DNAH17: variants seen among roughly 807,000 people sequenced by gnomAD.
DNAH17 encodes axonemal beta dynein heavy chain 17.
DNAH17 carries 376 observed loss-of-function variants against 485.6 expected under a neutral mutation model. The observed-to-expected ratio is 0.77, with a 90% CI of 0.71 to 0.84. DNAH17 has a LOEUF of 0.84. DNAH17 is among the 40% of genes least tolerant of loss of function. The pLI is 0.00. For synonymous variants in DNAH17, 3,031 were observed against 2,405.9 expected (o/e 1.26, Z -7.60); for missense variants, 6,370 against 5,839.3 (o/e 1.09, Z -2.96).
At chr17:78,475,518 CCT>C (rs1381551945) in intron 53 of DNAH17, 49 bp from the exon 54 acceptor site, 23 of 1,611,686 alleles carry the variant, frequency 1.4e-5, no homozygotes, top group Admixed American at 3.3e-5. Flanking sequence ...CCTGGAATCA[CCT>C]CTGTCACCAG....
intron 16 of DNAH17, among the ~76,000 whole-genome samples, chr17:78,546,766 C>A (rs540149814): frequency 1.5e-4 from 23 of 152,276 alleles, no homozygotes; most frequent in African/African-American, 5.5e-4. Context: ...ATTTACCAGG[C>A]ATGGTGGCCC....
chr17:78,450,967 C>G, intron 66 of DNAH17, 121 bp from the exon 67 acceptor site: 1 of 1,303,516 alleles, frequency 7.7e-7, no homozygotes, highest in African/African-American at 1.5e-5. Context: ...GGAACGAGCT[C>G]AGGTCCTGGA....
At chr17:78,466,118 T>A (rs933541964) in intron 56 of DNAH17, among the ~76,000 whole-genome samples, 9 of 152,246 alleles carry the variant, frequency 5.9e-5, no homozygotes, top group Admixed American at 2.6e-4. Context: ...ATCCTGTTGA[T>A]CTGTGACCTT....
At chr17:78,558,401 G>T in intron 13 of DNAH17, 147 bp from the exon 14 acceptor site, 1 of 1,002,836 alleles carries the variant, frequency 1.0e-6, no homozygotes, top group Non-Finnish European at 1.4e-6. Flanking sequence ...TTGTTGGCAG[G>T]ACCAGGACGT....
intron 25 of DNAH17, among the ~76,000 whole-genome samples, chr17:78,516,908 A>C (rs991870862): frequency 6.6e-6 from 1 of 152,186 alleles, no homozygotes; most frequent in African/African-American, 2.4e-5. Context: ...AATTAAATAA[A>C]AGAAGAGACA....
In DNAH17 at chr17:78,480,728, T is replaced by C; in HGVS notation, c.7708A>G (p.Met2570Val). 5 of 1,613,652 alleles carry C rather than the reference T, an allele frequency of 3.1e-6. No individual in the cohort carries two copies. Among genetic ancestry groups the C allele is most frequent in the Non-Finnish European group, 4.2e-6 (5 of 1,179,870 alleles). ...DIHNCQYVACMNPTSGSFTID... is the reference protein window; with the variant it reads ...DIHNCQYVACVNPTSGSFTID... ...GTGAAGGATCCGGAAGTGGGGTTCA[T>C]GCAGGCCACGTACTGACAATTATGG... Residue 2570 changes from methionine (M) to valine (V), a missense_variant, in exon 49 of 81, where the codon ATG (methionine) becomes GTG (valine). By Grantham distance (21) the Met-to-Val change is conservative. Transcript: ENST00000389840.
chr17:78,544,799 TC>T (rs1216142713), intron 16 of DNAH17, among the ~76,000 whole-genome samples: 2 of 6,410 alleles, frequency 3.1e-4, no homozygotes, highest in African/African-American at 1.7e-3. Context: ...AGACTCAGTC[TC>T]AAAAAAAAAA....
At chr17:78,573,025 G>A in intron 2 of DNAH17, 131 bp from the exon 3 acceptor site, 2 of 749,256 alleles carry the variant, frequency 2.7e-6, no homozygotes, top group East Asian at 5.4e-5. Flanking sequence ...CCCGCACAGA[G>A]CCAGGTCCCC....
rs751916853 is a variant in DNAH17 at position 78,575,044 on chromosome 17, G to A, written c.14C>T (p.Pro5Leu). The change falls in exon 2 of 81, where the codon CCG becomes CTG. Residue 5 changes from proline (P) to leucine (L), a missense_variant. Physicochemically the swap from Pro to Leu is moderately conservative, Grantham distance 98 (BLOSUM62 -3). Coordinates refer to ENST00000389840, the MANE Select transcript of DNAH17 (RefSeq NM_173628.4). ...CTCCAGATACTCTAGTCTGACGTCC[G>A]GGGCCATTGTCATCTTGGCCTTTCC... is the stretch of plus-strand genomic sequence containing the variant. MTMA[P>L]DVRLEYLEEV... 72 of 1,612,194 alleles carry A rather than the reference G, an allele frequency of 4.5e-5. No individual in the cohort carries two copies. The highest frequency in any genetic ancestry group is 5.7e-5 in the Non-Finnish European group (67 of 1,179,058).
chr17:78,441,027 A>T (rs760888035), intron 72 of DNAH17, 24 bp downstream of exon 72: 8 of 1,558,424 alleles, frequency 5.1e-6, no homozygotes, highest in South Asian at 2.4e-5. Context: ...GTCTTTGAGA[A>T]CATCACTTGC....
chr17:78,445,754 C>T (rs2087259795), intron 69 of DNAH17, 74 bp from the exon 70 acceptor site: 1 of 1,512,026 alleles, frequency 6.6e-7, no homozygotes, highest in Non-Finnish European at 8.9e-7. Context: ...GCGCGCTGGA[C>T]TCGAAGAGGA....
intron 16 of DNAH17, among the ~76,000 whole-genome samples, chr17:78,548,802 G>T (rs1463757854): frequency 6.6e-6 from 1 of 152,218 alleles, no homozygotes; most frequent in Non-Finnish European, 1.5e-5. Context: ...AGATGCTGCT[G>T]GCTGTCATGT....
chr17:78,430,665 C>T (rs1486223319), intron 75 of DNAH17, among the ~76,000 whole-genome samples: 1 of 151,420 alleles, frequency 6.6e-6, no homozygotes, highest in African/African-American at 2.4e-5. Flanking sequence ...ACTGAAACTT[C>T]TGCCTCCTGG....
chr17:78,564,556 C>T (rs977495713), intron 11 of DNAH17, among the ~76,000 whole-genome samples: 7 of 151,980 alleles, frequency 4.6e-5, no homozygotes, highest in African/African-American at 1.7e-4. Flanking sequence ...CCATTGGGAC[C>T]CTTCTGCGCT....
chr17:78,540,143 G>A (rs1055520543), intron 17 of DNAH17, among the ~76,000 whole-genome samples: 6 of 151,912 alleles, frequency 3.9e-5, no homozygotes, highest in Non-Finnish European at 8.8e-5. Context: ...TCCATCTCTA[G>A]TTGGGTTTCC....
At chr17:78,544,800 C>CAAAAAAAAAAAAAAAAA (rs55669221) in intron 16 of DNAH17, among the ~76,000 whole-genome samples, 5 of 46,878 alleles carry the variant, frequency 1.1e-4, no homozygotes, top group African/African-American at 3.0e-4. Flanking sequence ...GACTCAGTCT[C>CAAAAAAAAAAAAAAAAA]AAAAAAAAAA....
chr17:78,476,763 T>C (rs2146600505), intron 51 of DNAH17, 30 bp from the exon 52 acceptor site: 1 of 1,604,066 alleles, frequency 6.2e-7, no homozygotes, highest in Non-Finnish European at 8.5e-7. Flanking sequence ...ATCAGCACCG[T>C]CAGCTGTTAC....
Position 78,459,096 on chromosome 17 carries a change from A to G in DNAH17, c.9766T>C (p.Cys3256Arg), listed in dbSNP as rs183866875. ...INIVRFYEVY[C>R]DVAPKRQALE... Reference sequence around the variant, plus strand: ...GCCTGCCTCTTGGGCGCCACGTCGCAGTAGACCTCGTAGAAGCGGACGATG... The same window carrying G: ...GCCTGCCTCTTGGGCGCCACGTCGCGGTAGACCTCGTAGAAGCGGACGATG... The change falls in exon 61 of 81, where the codon TGC becomes CGC. Residue 3256 changes from cysteine (C) to arginine (R), a missense_variant. By Grantham distance (180) the Cys-to-Arg change is radical. Transcript: ENST00000389840. 6.2e-7 allele frequency: 1 copy of G among 1,614,024 alleles called. No individual in the cohort carries two copies. The highest frequency in any genetic ancestry group is 1.3e-5 in the African/African-American group (1 of 75,056).
chr17:78,481,105 G>A (rs1228319170), intron 48 of DNAH17, among the ~76,000 whole-genome samples: 8 of 129,560 alleles, frequency 6.2e-5, no homozygotes, highest in Admixed American at 4.2e-4. Flanking sequence ...CCCATCCCCC[G>A]GCTTTTTTTT....
Sources: allele counts gnomAD v4.1 joint callset (sites outside exome capture counted in the v4.1 genomes callset), GRCh38; gene constraint gnomAD v4.1.1; transcripts MANE v1.5; gene names NCBI Gene and HGNC (gene_info 2026-07-23, HGNC 2026-07-21).